The following GALNT13 variants were observed in gnomAD, a reference collection of about 807,000 sequenced individuals.
GALNT13 encodes the protein UDP-GalNAc:polypeptide N-acetylgalactosaminyltransferase 13.
In GALNT13, 28 loss-of-function variants were observed where a neutral mutation model predicts 64.2. The ratio of observed to expected loss-of-function variants is 0.44; its 90% CI spans 0.32 to 0.60. The LOEUF (loss-of-function observed/expected upper bound fraction) is 0.60, where lower values mean the gene tolerates loss of function less well. GALNT13 is among the 20% of genes least tolerant of loss of function. The pLI is 0.05. For synonymous variants in GALNT13, 214 were observed against 224.6 expected (o/e 0.95, Z 0.42); for missense variants, 577 against 669.8 (o/e 0.86, Z 1.53).
rs1701858649 is a variant in GALNT13 at position 154,451,202 on chromosome 2, C to T, written c.*651C>T. The T allele has an allele frequency of 6.6e-6, 1 of 151,884 alleles. No individual in the cohort carries two copies. The highest frequency in any genetic ancestry group is 1.5e-5 in the Non-Finnish European group (1 of 67,966). 9.4% of individuals were successfully genotyped at this position (151,884 alleles called of 1,614,324 possible). A position where few individuals can be genotyped will look rare whatever the true frequency, so the allele number is the denominator to read the frequency against. ...TTTAGAGTACATAAAAAAAGAAATC[C>T]GCGAAGCATTGAGGGGAACAAGATG... On this transcript the variant is annotated 3_prime_UTR_variant, in exon 13 of 13. Transcript: ENST00000392825.
the GALNT13 span, among the ~76,000 whole-genome samples, chr2:153,765,352 G>A: frequency 1.3e-5 from 2 of 152,216 alleles, no homozygotes; most frequent in Non-Finnish European, 1.5e-5. Flanking sequence ...CTGGATGTGA[G>A]ACATAGAGTC....
chr2:153,454,467 A>C, the GALNT13 span, among the ~76,000 whole-genome samples: 4 of 152,186 alleles, frequency 2.6e-5, no homozygotes, highest in Non-Finnish European at 4.4e-5. Context: ...ACTTACTAGA[A>C]AGCTCTTCTT....
chr2:153,793,634 A>G, the GALNT13 span, among the ~76,000 whole-genome samples: 1 of 140,974 alleles, frequency 7.1e-6, no homozygotes, highest in Non-Finnish European at 1.5e-5. Flanking sequence ...AAGTTAGACA[A>G]CAGTGTTGTT....
At chr2:153,857,610 T>C in the GALNT13 span, among the ~76,000 whole-genome samples, 2 of 152,190 alleles carry the variant, frequency 1.3e-5, no homozygotes, top group Non-Finnish European at 2.9e-5. Context: ...AGACGAGTTA[T>C]AGAAAAATCT....
the GALNT13 span, among the ~76,000 whole-genome samples, chr2:153,076,241 T>C: frequency 6.6e-6 from 1 of 152,190 alleles, no homozygotes; most frequent in Admixed American, 6.5e-5. Flanking sequence ...AGTGAGAGTG[T>C]CTGCTTGCCC....
the GALNT13 span, among the ~76,000 whole-genome samples, chr2:153,329,500 T>C: frequency 6.6e-6 from 1 of 152,194 alleles, no homozygotes; most frequent in Non-Finnish European, 1.5e-5. Context: ...CTCATTTTGG[T>C]TTTGATTTGC....
At chr2:153,290,435 A>G in the GALNT13 span, among the ~76,000 whole-genome samples, 1 of 152,296 alleles carries the variant, frequency 6.6e-6, no homozygotes, top group Non-Finnish European at 1.5e-5. Context: ...AAAGTTATTA[A>G]AGAAATTTGG....
intron 9 of GALNT13, among the ~76,000 whole-genome samples, chr2:154,339,404 A>G (rs1049485740): frequency 1.3e-5 from 2 of 152,202 alleles, no homozygotes; most frequent in South Asian, 2.1e-4. Flanking sequence ...TCAAAAAAAT[A>G]GTGGGTGTAC....
At chr2:153,833,788 A>T in the GALNT13 span, among the ~76,000 whole-genome samples, 1 of 152,128 alleles carries the variant, frequency 6.6e-6, no homozygotes, top group Non-Finnish European at 1.5e-5. Context: ...GAAGACTGGA[A>T]ACAGAAATTG....
the GALNT13 span, among the ~76,000 whole-genome samples, chr2:153,352,305 T>C: frequency 6.6e-6 from 1 of 152,166 alleles, no homozygotes; most frequent in South Asian, 2.1e-4. Flanking sequence ...AATTGAGTTG[T>C]TTGTTTTCTT....
chr2:154,272,177 T>C (rs550374286), intron 8 of GALNT13, among the ~76,000 whole-genome samples: 6 of 152,038 alleles, frequency 3.9e-5, no homozygotes, highest in Non-Finnish European at 8.8e-5. Flanking sequence ...TGAGAAAGTT[T>C]TTCTGTCTTC....
At position 154,280,077 on chromosome 2, in the gene GALNT13, G is replaced by T. The variant is rs892948054; in HGVS notation, c.975+20939G>T. 7.2e-5 allele frequency among the ~76,000 whole-genome samples: 11 copies of T among 152,110 alleles called. No homozygotes were observed. In the South Asian group the frequency reaches 1.2e-3, roughly 17 times the overall value. ...ACAGCTTTAAAAAATAATGTCTTAG[G>T]TTCTTGACTAGAAACAAAATGACTC... is the stretch of plus-strand genomic sequence containing the variant. On this transcript the variant is annotated intron_variant, in intron 8 of 12. Coordinates refer to ENST00000392825, the MANE Select transcript of GALNT13 (RefSeq NM_052917.4).
intron 3 of GALNT13, among the ~76,000 whole-genome samples, chr2:153,965,393 A>G (rs1050862544): frequency 1.3e-5 from 2 of 151,924 alleles, no homozygotes; most frequent in African/African-American, 4.8e-5. Context: ...TCTACTCTCT[A>G]TCTTCATGGG....
At chr2:154,227,242 G>A (rs1688667357) in intron 4 of GALNT13, among the ~76,000 whole-genome samples, 1 of 152,086 alleles carries the variant, frequency 6.6e-6, no homozygotes, top group Non-Finnish European at 1.5e-5. Context: ...TGAGAAAAGG[G>A]TGACTTTTTC....
At chr2:153,231,909 C>T in the GALNT13 span, among the ~76,000 whole-genome samples, 1 of 152,030 alleles carries the variant, frequency 6.6e-6, no homozygotes, top group Admixed American at 6.6e-5. Context: ...TACTTGTAAT[C>T]CTTGAGGGCC....
intron 3 of GALNT13, among the ~76,000 whole-genome samples, chr2:153,989,459 C>T (rs1695021484): frequency 6.6e-6 from 1 of 151,902 alleles, no homozygotes; most frequent in Admixed American, 6.6e-5. Flanking sequence ...TGATAAAAGC[C>T]AACCAATATA....
At chr2:154,286,956 C>T (rs761925381) in intron 8 of GALNT13, 37 of 541,072 alleles carry the variant, frequency 6.8e-5, no homozygotes, top group Admixed American at 1.1e-4. Flanking sequence ...TGCCATCCAT[C>T]ACTACCAAGA....
the GALNT13 span, among the ~76,000 whole-genome samples, chr2:153,563,078 TTTATCTATG>T: frequency 6.9e-6 from 1 of 144,918 alleles, no homozygotes; most frequent in Non-Finnish European, 1.5e-5. Context: ...CCAAACTGTT[TTTATCTATG>T]TATCTATTTG....
chr2:154,238,978 T>G (rs961234081), intron 4 of GALNT13, among the ~76,000 whole-genome samples: 12 of 152,200 alleles, frequency 7.9e-5, no homozygotes, highest in Admixed American at 6.5e-5. Flanking sequence ...TTTTACCCTT[T>G]GATGAATGAC....
Sources: gnomAD v4.1 joint callset for allele counts (sites outside exome capture counted in the v4.1 genomes callset) on GRCh38, gnomAD v4.1.1 for gene constraint, MANE v1.5 for transcripts, NCBI Gene and HGNC (gene_info 2026-07-23, HGNC 2026-07-21) for gene names.